LONRF2: variants seen among roughly 807,000 people sequenced by gnomAD.
LONRF2 encodes LON peptidase N-terminal domain and ring finger 2.
A neutral mutation model predicts 66.6 loss-of-function variants in LONRF2; 35 were observed. That is an observed-to-expected ratio of 0.53 (90% CI 0.40 to 0.70). The LOEUF is 0.70. Ranked by LOEUF, LONRF2 falls within the 30% of genes least tolerant of loss-of-function variation. The pLI is 0.00. For synonymous variants in LONRF2, 417 were observed against 418.1 expected (o/e 1.00, Z 0.03); for missense variants, 902 against 1,002.1 (o/e 0.90, Z 1.35).
chr2:100,306,524 A>G (rs1675294146), intron 2 of LONRF2, among the ~76,000 whole-genome samples: 3 of 152,218 alleles, frequency 2.0e-5, no homozygotes, highest in Admixed American at 2.0e-4. Context: ...AGATCAAACT[A>G]ATCATGTGCC....
intron 2 of LONRF2, among the ~76,000 whole-genome samples, chr2:100,305,794 C>T (rs1358410802): frequency 6.6e-6 from 1 of 152,148 alleles, no homozygotes; most frequent in Non-Finnish European, 1.5e-5. Context: ...TTCTTATTCT[C>T]CTTTCACAAA....
At chr2:100,289,638 G>A (rs140690885) in intron 10 of LONRF2, among the ~76,000 whole-genome samples, 1,697 of 151,994 alleles carry the variant, frequency 0.011, 27 homozygotes, top group African/African-American at 0.039. Flanking sequence ...GGGTTTCACC[G>A]TATTAGCCAG....
rs35634762 is a variant in LONRF2 at position 100,275,249 on chromosome 2, T to TC, written c.*9048dup. The TC allele has an allele frequency of 1.3e-5, 2 of 152,266 alleles. No homozygotes were observed. The highest frequency in any genetic ancestry group is 2.9e-5 in the Non-Finnish European group (2 of 68,088). The allele number at this position is 152,266 out of a possible 1,614,324, so 9.4% of individuals were successfully genotyped here. On this transcript the variant is annotated 3_prime_UTR_variant, in exon 12 of 12. Transcript: ENST00000393437. ...TTGGATGCACTGGGTCCCTCTGAAT[T>TC]CCCTACCTGGACATACCTACTTTCT...
chr2:100,316,166 A>G (rs1244035539), intron 1 of LONRF2, among the ~76,000 whole-genome samples: 1 of 151,952 alleles, frequency 6.6e-6, no homozygotes, highest in Non-Finnish European at 1.5e-5. Context: ...AAAAATACAA[A>G]AAATTAGCCA....
Position 100,287,578 on chromosome 2 carries a change from T to C in LONRF2, c.1921-515A>G, listed in dbSNP as rs144522927. Among the ~76,000 whole-genome samples the C allele has an allele frequency of 2.9e-3, 444 of 152,292 alleles. 4 individuals are homozygous for C. Among genetic ancestry groups the C allele is most frequent in the South Asian group, 0.021 (103 of 4,824 alleles). On this transcript the variant is annotated intron_variant, in intron 10 of 11. Transcript: ENST00000393437. ...AATTGTATTCCATATCACCAAACTATATTCCTAAAGGCACGACAGGGCAAG... is the reference window on the plus strand; with the variant it reads ...AATTGTATTCCATATCACCAAACTACATTCCTAAAGGCACGACAGGGCAAG...
rs1469420744 is a variant in LONRF2 at position 100,322,034 on chromosome 2, C to A, written c.60G>T (p.Ala20=). The A allele has an allele frequency of 7.3e-7, 1 of 1,363,580 alleles. No individual in the cohort carries two copies. Among genetic ancestry groups the A allele is most frequent in the Non-Finnish European group, 9.4e-7 (1 of 1,058,852 alleles). 84.5% of individuals were successfully genotyped at this position (1,363,580 alleles called of 1,614,324 possible). A position where few individuals can be genotyped will look rare whatever the true frequency, so the allele number is the denominator to read the frequency against. ...CCTCTAAGCGCTGGGCGATCGGCTCCGCGCGGTCGCAGCCAGGACACTGGG... is the reference window on the plus strand; with the variant it reads ...CCTCTAAGCGCTGGGCGATCGGCTCAGCGCGGTCGCAGCCAGGACACTGGG... ...PPPQCPGCDR[A]EPIAQRLEEG... is the part of the protein sequence containing the mutation. The change falls in exon 1 of 12, where the codon GCG becomes GCT. Residue 20 remains alanine, a synonymous_variant. Transcript: ENST00000393437.
intron 7 of LONRF2, among the ~76,000 whole-genome samples, chr2:100,297,628 C>T (rs750474542): frequency 4.6e-5 from 7 of 152,038 alleles, no homozygotes; most frequent in Non-Finnish European, 1.0e-4. Context: ...GCAGTGGGTC[C>T]GATGCATCTA....
chr2:100,287,881 T>C (rs1170948785), intron 10 of LONRF2, among the ~76,000 whole-genome samples: 2 of 152,160 alleles, frequency 1.3e-5, no homozygotes, highest in Non-Finnish European at 2.9e-5. Context: ...ATCTGCATAA[T>C]AGGAATAAAC....
At chr2:100,301,941 G>A (rs532846143) in intron 3 of LONRF2, among the ~76,000 whole-genome samples, 1 of 152,312 alleles carries the variant, frequency 6.6e-6, no homozygotes, top group African/African-American at 2.4e-5. Context: ...GAGTGATACT[G>A]GTCAATTGAA....
At chr2:100,294,096 C>G in intron 9 of LONRF2, 133 bp downstream of exon 9, 1 of 1,009,010 alleles carries the variant, frequency 9.9e-7, no homozygotes, top group South Asian at 1.5e-5. Context: ...TGTGGGCAGC[C>G]TTGAACTTGG....
intron 11 of LONRF2, among the ~76,000 whole-genome samples, chr2:100,286,435 C>G (rs1411891648): frequency 6.6e-6 from 1 of 152,150 alleles, no homozygotes; most frequent in East Asian, 1.9e-4. Flanking sequence ...TTGTAGGGAG[C>G]ACCAGAGAAA....
chr2:100,302,583 C>A (rs1241751507), intron 3 of LONRF2, among the ~76,000 whole-genome samples: 1 of 152,158 alleles, frequency 6.6e-6, no homozygotes, highest in Non-Finnish European at 1.5e-5. Flanking sequence ...CCCTATAGAG[C>A]CGAATTGATA....
Position 100,273,252 on chromosome 2 carries a change from A to C in LONRF2, c.*11046T>G, listed in dbSNP as rs1674533688. Reference sequence around the variant, plus strand: ...GGGCCTTCAGAGAAAGCCCGGCCCTACTGGCACCTTGGCTTTGGATTTCTA... The same window carrying C: ...GGGCCTTCAGAGAAAGCCCGGCCCTCCTGGCACCTTGGCTTTGGATTTCTA... On this transcript the variant is annotated 3_prime_UTR_variant, in exon 12 of 12. Coordinates refer to ENST00000393437, the MANE Select transcript of LONRF2 (RefSeq NM_198461.4). 1 of 152,220 alleles carries C rather than the reference A, an allele frequency of 6.6e-6. No homozygotes were observed. Among genetic ancestry groups the C allele is most frequent in the African/African-American group, 2.4e-5 (1 of 41,450 alleles). 9.4% of individuals were successfully genotyped at this position (152,220 alleles called of 1,614,324 possible). A position where few individuals can be genotyped will look rare whatever the true frequency, so the allele number is the denominator to read the frequency against.
In LONRF2 at chr2:100,303,046, A is replaced by G. The variant is rs890450153; in HGVS notation, c.799-3T>C. ...GCCTGAGCTTTTACTTGATGTCCCTAGATTCACCGAAGACAAAGTGTACAT... is the reference window on the plus strand; with the variant it reads ...GCCTGAGCTTTTACTTGATGTCCCTGGATTCACCGAAGACAAAGTGTACAT... On this transcript the variant is annotated splice_region_variant and splice_polypyrimidine_tract_variant and intron_variant, in intron 2 of 11. Transcript: ENST00000393437. The G allele has an allele frequency of 6.3e-7, 1 of 1,590,106 alleles. No individual in the cohort carries two copies. The highest frequency in any genetic ancestry group is 8.6e-7 in the Non-Finnish European group (1 of 1,169,404).
chr2:100,286,103 T>A (rs931469479), intron 11 of LONRF2, among the ~76,000 whole-genome samples: 2 of 152,018 alleles, frequency 1.3e-5, no homozygotes, highest in Non-Finnish European at 2.9e-5. Flanking sequence ...AGTTAAAGCA[T>A]TTTTCTGTGT....
chr2:100,314,246 G>A (rs941545785), intron 1 of LONRF2, among the ~76,000 whole-genome samples: 3 of 152,124 alleles, frequency 2.0e-5, no homozygotes, highest in South Asian at 2.1e-4. Context: ...TCCAATTGCT[G>A]CAAATAAAAA....
At position 100,272,906 on chromosome 2, in the gene LONRF2, C is replaced by G. The variant is rs751737676; in HGVS notation, c.*11392G>C. Among the ~76,000 whole-genome samples the G allele has an allele frequency of 6.6e-6, 1 of 152,178 alleles. No homozygotes were observed. Among genetic ancestry groups the G allele is most frequent in the Non-Finnish European group, 1.5e-5 (1 of 68,036 alleles). On this transcript the variant is annotated 3_prime_UTR_variant, in exon 12 of 12. Coordinates refer to ENST00000393437, the MANE Select transcript of LONRF2 (RefSeq NM_198461.4). ...TTTCCTACTAAAATTAAATTGGAATCGTTCCACATCTGCACTGTGTTGAAT... is the reference window on the plus strand; with the variant it reads ...TTTCCTACTAAAATTAAATTGGAATGGTTCCACATCTGCACTGTGTTGAAT...
At chr2:100,306,668 T>TTC (rs1675297141) in intron 2 of LONRF2, among the ~76,000 whole-genome samples, 1 of 152,076 alleles carries the variant, frequency 6.6e-6, no homozygotes, top group African/African-American at 2.4e-5. Context: ...TTTGCTTGAG[T>TTC]GAGACACACT....
chr2:100,321,601 G>T lies in LONRF2; in HGVS notation c.493C>A (p.Arg165Ser). Reference sequence around the variant, plus strand: ...CGCGCGGGCCCTGGCTCCACGCAGCGCTTGCAGACTGTGAGCCCGCAGGGC... The same window carrying T: ...CGCGCGGGCCCTGGCTCCACGCAGCTCTTGCAGACTGTGAGCCCGCAGGGC... ...TLPCGLTVCK[R>S]CVEPGPARPQ... is the part of the protein sequence containing the mutation. Residue 165 changes from arginine (R) to serine (S), a missense_variant, in exon 1 of 12, where the codon CGC becomes AGC. Transcript: ENST00000393437. The T allele has an allele frequency of 6.6e-7, 1 of 1,519,648 alleles. No individual in the cohort carries two copies. The highest frequency in any genetic ancestry group is 8.7e-7 in the Non-Finnish European group (1 of 1,145,698). 94.1% of individuals were successfully genotyped at this position (1,519,648 alleles called of 1,614,324 possible). A position where few individuals can be genotyped will look rare whatever the true frequency, so the allele number is the denominator to read the frequency against.
Sources: allele counts gnomAD v4.1 joint callset (sites outside exome capture counted in the v4.1 genomes callset), GRCh38; gene constraint gnomAD v4.1.1; transcripts MANE v1.5; gene names NCBI Gene and HGNC (gene_info 2026-07-23, HGNC 2026-07-21).